CNTRL: variants seen among roughly 807,000 people sequenced by gnomAD.
CNTRL encodes 110 kDa centrosomal protein.
A neutral mutation model predicts 303.7 loss-of-function variants in CNTRL; 233 were observed. That is an observed-to-expected ratio of 0.77 (90% confidence interval 0.69 to 0.86). The LOEUF is 0.86. Among genes scored for constraint, CNTRL ranks in the 40% least tolerant of loss-of-function variants. The pLI, the probability that CNTRL is intolerant of heterozygous loss-of-function variation, is 0.00. For synonymous variants in CNTRL, 900 were observed against 922.2 expected, an observed-to-expected ratio of 0.98 and a Z score of 0.44; for missense variants, 2,524 against 2,650.6, an observed-to-expected ratio of 0.95 and a Z score of 1.05.
intron 7 of CNTRL, among the ~76,000 whole-genome samples, chr9:121,104,897 G>T (rs933117291): frequency 3.3e-5 from 5 of 151,500 alleles, no homozygotes; most frequent in African/African-American, 1.2e-4. Context: ...GACGGGGTTT[G>T]TCTGATTTCT....
Position 121,148,841 on chromosome 9 carries a change from A to G in CNTRL, c.3629A>G (p.His1210Arg), listed in dbSNP as rs2052034068. 1.9e-6 allele frequency: 3 copies of G among 1,613,104 alleles called. No individual in the cohort carries two copies. The highest frequency in any genetic ancestry group is 2.5e-6 in the Non-Finnish European group (3 of 1,179,800). ...TATTCTCCCATCAGGAGTGGGTTACATAAACTGTTTCCAAGTAGAGGTAAG... is the reference window on the plus strand; with the variant it reads ...TATTCTCCCATCAGGAGTGGGTTACGTAAACTGTTTCCAAGTAGAGGTAAG... ...WVYSPIRSGLHKLFPSRDADS... is the reference protein window; with the variant it reads ...WVYSPIRSGLRKLFPSRDADS... The change falls in exon 24 of 44, where the codon CAT becomes CGT. Residue 1210 changes from histidine (H) to arginine (R), a missense_variant. His to Arg is a conservative substitution (Grantham distance 29, BLOSUM62 0). Transcript: ENST00000373855.
intron 7 of CNTRL, among the ~76,000 whole-genome samples, chr9:121,100,723 A>G (rs2049119556): frequency 6.6e-6 from 1 of 152,230 alleles, no homozygotes; most frequent in Non-Finnish European, 1.5e-5. Flanking sequence ...AGATCTACCA[A>G]GCAAATGGAA....
chr9:121,143,909 C>T lies in CNTRL; in HGVS notation c.2878C>T (p.Leu960Phe), dbSNP rs1206889723. The change falls in exon 20 of 44, where the codon CTT becomes TTT. Residue 960 changes from leucine (L) to phenylalanine (F), a missense_variant. Coordinates refer to ENST00000373855, the MANE Select transcript of CNTRL (RefSeq NM_007018.6). ...AATATTTCTTTTATTTTAGAAGAAA[C>T]TTGAAGATGCCAAATCTCAGGAGCA... is the stretch of plus-strand genomic sequence containing the variant. ...QLRELEKKKK[L>F]EDAKSQEQVF... is the part of the protein sequence containing the mutation. The T allele has an allele frequency of 6.3e-7, 1 of 1,587,008 alleles. No homozygotes were observed. Among genetic ancestry groups the T allele is most frequent in the Non-Finnish European group, 8.5e-7 (1 of 1,172,296 alleles).
At chr9:121,163,737 C>G (rs140335294) in intron 34 of CNTRL, among the ~76,000 whole-genome samples, 92 of 151,680 alleles carry the variant, frequency 6.1e-4, no homozygotes, top group African/African-American at 2.1e-3. Flanking sequence ...AAATGGATGG[C>G]AAATAAACAC....
chr9:121,081,669 T>C (rs536349266), intron 2 of CNTRL, among the ~76,000 whole-genome samples: 1 of 152,022 alleles, frequency 6.6e-6, no homozygotes. Flanking sequence ...AGAGGAAGAG[T>C]TGCATAGGGC....
At chr9:121,151,347 T>TCCTAA (rs1317380216) in intron 25 of CNTRL, among the ~76,000 whole-genome samples, 3 of 151,152 alleles carry the variant, frequency 2.0e-5, no homozygotes, top group Non-Finnish European at 4.4e-5. Context: ...AATAATTATT[T>TCCTAA]CCTAATTACT....
At chr9:121,089,270 A>C (rs2132270906) in intron 3 of CNTRL, among the ~76,000 whole-genome samples, 1 of 152,366 alleles carries the variant, frequency 6.6e-6, no homozygotes, top group South Asian at 2.1e-4. Context: ...TTTCTTTCCA[A>C]GAACAAGCCA....
intron 12 of CNTRL, chr9:121,121,715 G>A (rs924317633): frequency 6.7e-6 from 6 of 895,766 alleles, no homozygotes; most frequent in Non-Finnish European, 8.0e-6. Flanking sequence ...AACTCGCGGA[G>A]GGTGGGGCCT....
intron 16 of CNTRL, 143 bp downstream of exon 16, chr9:121,138,822 C>G (rs2051342152): frequency 5.7e-6 from 4 of 701,942 alleles, no homozygotes; most frequent in Non-Finnish European, 9.4e-6. Flanking sequence ...GGTGGAGCAG[C>G]ACCATAGCTC....
At chr9:121,150,646 C>T (rs751892527) in intron 25 of CNTRL, 163 bp downstream of exon 25, 64 of 684,488 alleles carry the variant, frequency 9.4e-5, no homozygotes, top group African/African-American at 1.6e-4. Flanking sequence ...TTAAAATTCT[C>T]TTATAAAAGC....
intron 6 of CNTRL, among the ~76,000 whole-genome samples, chr9:121,096,910 C>T (rs192076380): frequency 3.3e-5 from 5 of 151,152 alleles, no homozygotes; most frequent in Admixed American, 3.3e-4. Flanking sequence ...AGTCCCTTAT[C>T]TAGAGTCACA....
At chr9:121,131,505 T>G (rs1225179396) in intron 14 of CNTRL, among the ~76,000 whole-genome samples, 1 of 152,242 alleles carries the variant, frequency 6.6e-6, no homozygotes, top group African/African-American at 2.4e-5. Flanking sequence ...TCCATTCCTT[T>G]ATTTTGAACC....
chr9:121,096,386 TACTCACTAA>T, intron 5 of CNTRL, 27 bp from the exon 6 acceptor site: 1 of 1,378,890 alleles, frequency 7.3e-7, no homozygotes, highest in Non-Finnish European at 9.7e-7. Context: ...TCTATAATTG[TACTCACTAA>T]ATTTTATTTT....
intron 14 of CNTRL, among the ~76,000 whole-genome samples, chr9:121,126,234 G>A (rs1319030694): frequency 6.6e-6 from 1 of 152,142 alleles, no homozygotes; most frequent in Non-Finnish European, 1.5e-5. Flanking sequence ...TACAAATATT[G>A]TATTAAATGC....
At chr9:121,134,283 T>C (rs2051049805) in intron 14 of CNTRL, among the ~76,000 whole-genome samples, 1 of 136,358 alleles carries the variant, frequency 7.3e-6, no homozygotes, top group Admixed American at 8.3e-5. Flanking sequence ...TGTCCTCTAA[T>C]ATCATTATTA....
At chr9:121,112,870 A>G (rs2049809838) in intron 9 of CNTRL, among the ~76,000 whole-genome samples, 1 of 152,202 alleles carries the variant, frequency 6.6e-6, no homozygotes, top group African/African-American at 2.4e-5. Context: ...TGGGTTGATC[A>G]GCTCCTTTAA....
chr9:121,136,306 C>G (rs1284282399), intron 15 of CNTRL, among the ~76,000 whole-genome samples: 1 of 151,968 alleles, frequency 6.6e-6, no homozygotes, highest in Non-Finnish European at 1.5e-5. Context: ...CTTCTTAGAA[C>G]AGGTTTAAGG....
intron 11 of CNTRL, 108 bp from the exon 12 acceptor site, chr9:121,118,238 T>A: frequency 1.1e-6 from 1 of 920,678 alleles, no homozygotes. Context: ...ACTTTTATTT[T>A]TAAAAAACTG....
chr9:121,175,815 GATTT>G (rs771386493), intron 43 of CNTRL, among the ~76,000 whole-genome samples: 13 of 152,122 alleles, frequency 8.5e-5, no homozygotes, highest in South Asian at 2.1e-4. Context: ...TCCACTTCTG[GATTT>G]ATTTATTTCC....
Sources: gnomAD v4.1 joint callset for allele counts (sites outside exome capture counted in the v4.1 genomes callset) on GRCh38, gnomAD v4.1.1 for gene constraint, MANE v1.5 for transcripts, NCBI Gene and HGNC (gene_info 2026-07-23, HGNC 2026-07-21) for gene names.